The following TBL1XR1 variants were observed in gnomAD, a reference collection of about 807,000 sequenced individuals.
TBL1XR1 encodes TBL1X/Y related 1.
Under a neutral mutation model 66.9 loss-of-function variants are expected in TBL1XR1, and 5 were observed. The ratio of observed to expected loss-of-function variants is 0.07; its 90% CI spans 0.04 to 0.16. The LOEUF is 0.16. Among genes scored for constraint, TBL1XR1 ranks in the 10% least tolerant of loss-of-function variants. The pLI is 1.00. For synonymous variants in TBL1XR1, 210 were observed against 206.0 expected, an observed-to-expected ratio of 1.02 and a Z score of -0.17; for missense variants, 238 against 623.2, an observed-to-expected ratio of 0.38 and a Z score of 6.58.
rs1397248091 is a variant in TBL1XR1 at position 177,068,995 on chromosome 3, TC to T, written c.-45-3974del. 2.0e-5 allele frequency among the ~76,000 whole-genome samples: 3 copies of T among 152,242 alleles called. No individual in the cohort carries two copies. The East Asian group carries it at 5.8e-4, about 29-fold the overall frequency. On this transcript the variant is annotated intron_variant, in intron 2 of 15. Transcript: ENST00000457928. The stretch of plus-strand genomic sequence containing the variant: ...AGATGTGACGAACTTAAATTACTTT[TC>T]CTTCTCTCTTTCATTGGAATCCAGA...
Position 177,024,668 on chromosome 3 carries a change from A to G in TBL1XR1, c.*830T>C, listed in dbSNP as rs1346793857. 1 of 151,376 alleles carries G rather than the reference A, an allele frequency of 6.6e-6. No homozygotes were observed. The highest frequency in any genetic ancestry group is 2.1e-4 in the South Asian group (1 of 4,800). 9.4% of individuals were successfully genotyped at this position (151,376 alleles called of 1,614,324 possible). ...TTTAATTGGCAGAAATATGTCCCAA[A>G]AAAGAAACTATTGCATTTAAGCCAC... On this transcript the variant is annotated 3_prime_UTR_variant, in exon 16 of 16. Transcript: ENST00000457928.
chr3:177,192,686 G>A (rs1194369926), intron 1 of TBL1XR1, among the ~76,000 whole-genome samples: 3 of 152,118 alleles, frequency 2.0e-5, no homozygotes, highest in East Asian at 3.8e-4. Context: ...TAAATAACAA[G>A]CAAATAAAAT....
chr3:177,067,386 T>C (rs1195376303), intron 2 of TBL1XR1, among the ~76,000 whole-genome samples: 1 of 152,164 alleles, frequency 6.6e-6, no homozygotes, highest in Non-Finnish European at 1.5e-5. Flanking sequence ...AGTCCAAAAC[T>C]TGGATGAAAG....
chr3:177,159,216 C>A (rs1731876983), intron 1 of TBL1XR1, among the ~76,000 whole-genome samples: 1 of 151,750 alleles, frequency 6.6e-6, no homozygotes, highest in African/African-American at 2.4e-5. Context: ...GCTGATTCTC[C>A]TGCTGCTGAG....
chr3:177,087,623 C>T (rs1212836684), intron 2 of TBL1XR1, among the ~76,000 whole-genome samples: 1 of 151,938 alleles, frequency 6.6e-6, no homozygotes, highest in Non-Finnish European at 1.5e-5. Flanking sequence ...ACAAACAGAA[C>T]CTGTATGAAA....
chr3:177,133,876 C>CAAAAAAAAAAAAA (rs541940840), intron 1 of TBL1XR1, among the ~76,000 whole-genome samples: 3 of 105,744 alleles, frequency 2.8e-5, no homozygotes, highest in East Asian at 2.7e-4. Context: ...ACTCCTATCT[C>CAAAAAAAAAAAAA]AAAAAAAAAA....
At chr3:177,168,240 G>C (rs1045586875) in intron 1 of TBL1XR1, among the ~76,000 whole-genome samples, 1 of 150,834 alleles carries the variant, frequency 6.6e-6, no homozygotes, top group Non-Finnish European at 1.5e-5. Context: ...ATTACTACTT[G>C]AAGTTAAAAA....
chr3:177,184,789 A>C (rs1476044145), intron 1 of TBL1XR1, among the ~76,000 whole-genome samples: 1 of 136,666 alleles, frequency 7.3e-6, no homozygotes, highest in East Asian at 2.0e-4. Context: ...AGACAGAGCA[A>C]GACTGTGGCT....
intron 1 of TBL1XR1, among the ~76,000 whole-genome samples, chr3:177,116,599 TAA>T (rs1007412447): frequency 6.6e-6 from 1 of 152,192 alleles, no homozygotes; most frequent in African/African-American, 2.4e-5. Context: ...TCCAGCTTTG[TAA>T]CTTGAATGCC....
At chr3:177,149,317 T>C (rs1577315416) in intron 1 of TBL1XR1, among the ~76,000 whole-genome samples, 1 of 152,208 alleles carries the variant, frequency 6.6e-6, no homozygotes, top group Admixed American at 6.5e-5. Context: ...TCCCAGAAGC[T>C]TGGACTTAAA....
intron 2 of TBL1XR1, among the ~76,000 whole-genome samples, chr3:177,072,113 ATTCT>A (rs1348317994): frequency 6.6e-6 from 1 of 152,202 alleles, no homozygotes; most frequent in African/African-American, 2.4e-5. Flanking sequence ...TTCTTAGAAG[ATTCT>A]TTCTTAAAAG....
intron 1 of TBL1XR1, among the ~76,000 whole-genome samples, chr3:177,147,900 T>C (rs12489569): frequency 6.6e-6 from 1 of 151,954 alleles, no homozygotes; most frequent in Non-Finnish European, 1.5e-5. Context: ...AAGCAACAAT[T>C]AACTCTTGAG....
At position 177,153,040 on chromosome 3, in the gene TBL1XR1, C is replaced by T. The variant is rs543260501; in HGVS notation, c.-122+44081G>A. ...CCTGTAATCCCAGCTACTGGGAAGG[C>T]TGAGGCACGAGAATCGCCCGGGAAG... On this transcript the variant is annotated intron_variant, in intron 1 of 15. Coordinates refer to ENST00000457928, the MANE Select transcript of TBL1XR1 (RefSeq NM_024665.7). Among the ~76,000 whole-genome samples, 4 of 152,202 alleles carry T rather than the reference C, an allele frequency of 2.6e-5. No individual in the cohort carries two copies. In the East Asian group the frequency reaches 5.8e-4, roughly 22 times the overall value.
chr3:177,098,575 C>T, intron 1 of TBL1XR1, 34 bp from the exon 2 acceptor site: 2 of 967,934 alleles, frequency 2.1e-6, no homozygotes, highest in Non-Finnish European at 2.5e-6. Flanking sequence ...TTCAATGTGC[C>T]CTAAAACAAA....
At chr3:177,190,461 G>A (rs1201909313) in intron 1 of TBL1XR1, among the ~76,000 whole-genome samples, 2 of 152,098 alleles carry the variant, frequency 1.3e-5, no homozygotes, top group South Asian at 2.1e-4. Flanking sequence ...GATTATAGGC[G>A]TGTGCCACCA....
rs745583165 is a variant in TBL1XR1 at position 177,026,449 on chromosome 3, C to T, written c.1442G>A (p.Arg481Lys). 1 of 1,610,070 alleles carries T rather than the reference C, an allele frequency of 6.2e-7. No homozygotes were observed. Among genetic ancestry groups the T allele is most frequent in the South Asian group, 1.1e-5 (1 of 90,298 alleles). The change falls in exon 15 of 16, where the codon AGG becomes AAG. Residue 481 changes from arginine to lysine, a missense_variant. Physicochemically the swap from Arg to Lys is conservative, Grantham distance 26 (BLOSUM62 2). Transcript: ENST00000457928. ...AACTTCAAATATTCCACCTGTTCCC[C>T]TATAGCTGTGAACTAGAGCACCTGT... ...TQTGALVHSY[R>K]GTGGIFEVCW...
At chr3:177,189,664 A>AAAAAAAAAAAAATTTC in intron 1 of TBL1XR1, among the ~76,000 whole-genome samples, 1 of 141,932 alleles carries the variant, frequency 7.0e-6, no homozygotes, top group African/African-American at 2.7e-5. Flanking sequence ...AAAAAAAAAA[A>AAAAAAAAAAAAATTTC]AGAAGGATGT....
intron 3 of TBL1XR1, among the ~76,000 whole-genome samples, chr3:177,056,548 G>C (rs928308086): frequency 1.6e-4 from 25 of 152,156 alleles, no homozygotes; most frequent in Admixed American, 1.4e-3. Context: ...GTTTACCCTA[G>C]AGAAGTTCCA....
chr3:177,188,165 C>T (rs1296553342), intron 1 of TBL1XR1, among the ~76,000 whole-genome samples: 4 of 151,770 alleles, frequency 2.6e-5, no homozygotes, highest in African/African-American at 9.7e-5. Flanking sequence ...CTCCTGACCT[C>T]GTGATCCACC....
Sources: gnomAD v4.1 joint callset for allele counts (sites outside exome capture counted in the v4.1 genomes callset) on GRCh38, gnomAD v4.1.1 for gene constraint, MANE v1.5 for transcripts, NCBI Gene and HGNC (gene_info 2026-07-23, HGNC 2026-07-21) for gene names.